The following MEIG1 variants were observed in gnomAD, a reference collection of about 807,000 sequenced individuals.
MEIG1 encodes the protein meiosis/spermiogenesis associated 1.
In MEIG1, 12 loss-of-function variants were observed where a neutral mutation model predicts 11.3. The observed-to-expected ratio is 1.07, with a 90% CI of 0.68 to 1.73. The LOEUF is 1.73. Ranked by LOEUF, MEIG1 falls within the 40% of genes most tolerant of loss-of-function variation. The pLI, the probability that MEIG1 is intolerant of heterozygous loss-of-function variation, is 0.00. For missense variants in MEIG1, 119 were observed against 104.9 expected (o/e 1.13, Z -0.59); for synonymous variants, 41 against 33.2 (o/e 1.24, Z -0.81).
downstream of MEIG1, among the ~76,000 whole-genome samples, chr10:14,975,012 G>A (rs537584042): frequency 1.6e-4 from 24 of 151,990 alleles, no homozygotes; most frequent in Non-Finnish European, 3.2e-4. Flanking sequence ...ATGATATTAC[G>A]TTCAATATCG....
At chr10:14,981,743 G>C (rs1389674247) in intron 1 of MEIG1, among the ~76,000 whole-genome samples, 1 of 152,264 alleles carries the variant, frequency 6.6e-6, no homozygotes, top group Non-Finnish European at 1.5e-5. Flanking sequence ...CTTTTGAGCT[G>C]AGGGCATTTG....
intron 1 of MEIG1, among the ~76,000 whole-genome samples, chr10:14,964,599 A>T (rs61842862): frequency 9.4e-6 from 1 of 106,744 alleles, no homozygotes; most frequent in Non-Finnish European, 1.8e-5. Flanking sequence ...ATATATATAT[A>T]TATATATATA....
At chr10:14,958,923 A>C (rs1050875018), upstream of MEIG1, among the ~76,000 whole-genome samples, 5 of 152,060 alleles carry the variant, frequency 3.3e-5, no homozygotes, top group African/African-American at 1.2e-4. Flanking sequence ...AAAAACAAAA[A>C]ACCGTATATC....
chr10:14,971,784 A>G (rs1477033560), intron 2 of MEIG1, among the ~76,000 whole-genome samples: 2 of 152,168 alleles, frequency 1.3e-5, no homozygotes, highest in African/African-American at 4.8e-5. Flanking sequence ...GATTACTTGG[A>G]ATGTTTTGTC....
downstream of MEIG1, among the ~76,000 whole-genome samples, chr10:14,977,176 A>T (rs1488867492): frequency 6.6e-6 from 1 of 151,974 alleles, no homozygotes; most frequent in Non-Finnish European, 1.5e-5. Context: ...ATAATTACCC[A>T]GGGGTCTATA....
chr10:14,972,681 A>T lies in MEIG1; in HGVS notation c.*40A>T, dbSNP rs1212605768. The T allele has an allele frequency of 6.6e-7, 1 of 1,512,682 alleles. No homozygotes were observed. Among genetic ancestry groups the T allele is most frequent in the South Asian group, 1.3e-5 (1 of 78,630 alleles). The allele number at this position is 1,512,682 out of a possible 1,614,324, so 93.7% of individuals were successfully genotyped here. On this transcript the variant is annotated 3_prime_UTR_variant, in exon 3 of 3. Coordinates refer to ENST00000407572, the MANE Select transcript of MEIG1 (RefSeq NM_001080836.3). The stretch of plus-strand genomic sequence containing the variant: ...ATTACTTGTCAATTATATTTTAAGT[A>T]TTCATCATTTCCTTCTACATCATGT...
chr10:14,966,251 A>G (rs1005315164), intron 1 of MEIG1, among the ~76,000 whole-genome samples, 189 bp from the exon 2 acceptor site: 1 of 151,548 alleles, frequency 6.6e-6, no homozygotes, highest in Non-Finnish European at 1.5e-5. Flanking sequence ...TTTAGCAGAG[A>G]CGGTGTTTCA....
At chr10:14,986,088 G>T (rs1192890928) in intron 1 of MEIG1, among the ~76,000 whole-genome samples, 4 of 152,130 alleles carry the variant, frequency 2.6e-5, no homozygotes, top group Non-Finnish European at 5.9e-5. Context: ...TCCTAGGGAG[G>T]TATTAATTCT....
At chr10:14,971,602 A>G (rs1400453919) in intron 2 of MEIG1, among the ~76,000 whole-genome samples, 2 of 152,098 alleles carry the variant, frequency 1.3e-5, no homozygotes, top group Non-Finnish European at 2.9e-5. Flanking sequence ...ATGCATATAC[A>G]CTTTTGGATA....
At chr10:14,981,877 G>A (rs113340572) in intron 1 of MEIG1, among the ~76,000 whole-genome samples, 3 of 152,302 alleles carry the variant, frequency 2.0e-5, no homozygotes, top group African/African-American at 7.2e-5. Context: ...CCCTCTGATT[G>A]CTGCAGCTAA....
At chr10:14,966,402 A>G in intron 1 of MEIG1, 38 bp from the exon 2 acceptor site, 1 of 1,445,112 alleles carries the variant, frequency 6.9e-7, no homozygotes, top group African/African-American at 1.5e-5. Flanking sequence ...AATTGTCACT[A>G]TTACATTATC....
chr10:14,978,166 A>G (rs1469699226), intron 1 of MEIG1, among the ~76,000 whole-genome samples: 1 of 151,736 alleles, frequency 6.6e-6, no homozygotes, highest in Non-Finnish European at 1.5e-5. Flanking sequence ...CTGTGATACC[A>G]CTCGCAATAT....
chr10:14,976,006 C>T (rs761897679), downstream of MEIG1, among the ~76,000 whole-genome samples: 1 of 152,132 alleles, frequency 6.6e-6, no homozygotes, highest in Non-Finnish European at 1.5e-5. Context: ...CTGACAATAA[C>T]GTCAACACGC....
downstream of MEIG1, among the ~76,000 whole-genome samples, chr10:14,976,059 G>GT (rs35692600): frequency 1.7e-4 from 26 of 152,208 alleles, no homozygotes; most frequent in Non-Finnish European, 2.6e-4. Context: ...GGACCGGGGG[G>GT]TGATATTACT....
intron 1 of MEIG1, among the ~76,000 whole-genome samples, chr10:14,985,321 T>C (rs932122613): frequency 6.6e-6 from 1 of 151,948 alleles, no homozygotes; most frequent in Non-Finnish European, 1.5e-5. Context: ...AATGTCACAA[T>C]GCCTGTACAC....
At chr10:14,972,966 A>G (rs1298218203), downstream of MEIG1, 1 of 210,106 alleles carries the variant, frequency 4.8e-6, no homozygotes, top group Non-Finnish European at 9.6e-6. Context: ...CCCGGGTTCA[A>G]GTGATTCTCA....
At chr10:14,980,214 T>C (rs1235718728) in intron 1 of MEIG1, among the ~76,000 whole-genome samples, 2 of 152,102 alleles carry the variant, frequency 1.3e-5, no homozygotes, top group Non-Finnish European at 2.9e-5. Context: ...GGGATGTTAC[T>C]CCCACCATAC....
At chr10:14,980,046 G>T (rs1467712121) in intron 1 of MEIG1, among the ~76,000 whole-genome samples, 1 of 151,624 alleles carries the variant, frequency 6.6e-6, no homozygotes, top group Non-Finnish European at 1.5e-5. Context: ...GCAAATGTGT[G>T]CACGCCGTGA....
chr10:14,965,124 A>G (rs1843065176), intron 1 of MEIG1, among the ~76,000 whole-genome samples: 1 of 152,070 alleles, frequency 6.6e-6, no homozygotes, highest in African/African-American at 2.4e-5. Context: ...GACCTTTTAA[A>G]CATAATGAGC....
Sources: gnomAD v4.1 joint callset for allele counts (sites outside exome capture counted in the v4.1 genomes callset) on GRCh38, gnomAD v4.1.1 for gene constraint, MANE v1.5 for transcripts, NCBI Gene and HGNC (gene_info 2026-07-23, HGNC 2026-07-21) for gene names.